Variants in SOX5 observed in about 807,000 individuals in gnomAD.
SOX5 encodes the protein transcription factor SOX-5.
SOX5 carries 9 observed loss-of-function variants against 92.0 expected under a neutral mutation model. The ratio of observed to expected loss-of-function variants is 0.10; its 90% CI spans 0.06 to 0.17. The LOEUF is 0.17. Ranked by LOEUF, SOX5 falls within the 10% of genes least tolerant of loss-of-function variation. The pLI is 1.00. For missense variants in SOX5, 642 were observed against 944.5 expected, an observed-to-expected ratio of 0.68 and a Z score of 4.20; for synonymous variants, 344 against 336.3, an observed-to-expected ratio of 1.02 and a Z score of -0.25.
chr12:24,393,827 C>T lies in SOX5; in HGVS notation c.-250-25188G>A, dbSNP rs1347372958. Among the ~76,000 whole-genome samples the T allele has an allele frequency of 1.3e-5, 2 of 152,166 alleles. No homozygotes were observed. ...TACATATTACATATGCAATACAACA[C>T]ATACCTCTTTCTTCAAAAGTTTAAA... On this transcript the variant is annotated intron_variant, in intron 1 of 4. Coordinates refer to the SOX5 transcript ENST00000446891. This position sits in a 1 kb window ranked among gnomAD's most constrained non-coding sequence, Gnocchi z 5.0.
chr12:24,348,842 C>T (rs1357162836), intron 2 of SOX5, among the ~76,000 whole-genome samples: 2 of 152,154 alleles, frequency 1.3e-5, no homozygotes, highest in Non-Finnish European at 2.9e-5. Flanking sequence ...TAGTAAGTCT[C>T]ATGAGATCTC....
chr12:23,655,600 C>A (rs570822064), intron 7 of SOX5, among the ~76,000 whole-genome samples: 2 of 152,252 alleles, frequency 1.3e-5, no homozygotes, highest in East Asian at 1.9e-4. Context: ...CCCTTTCTAG[C>A]CATTGCACCT....
At chr12:24,288,767 G>A (rs1052792408) in intron 2 of SOX5, among the ~76,000 whole-genome samples, 1 of 151,108 alleles carries the variant, frequency 6.6e-6, no homozygotes, top group Admixed American at 6.6e-5. Context: ...AAAAAAAAAC[G>A]TGGTGAGGAA....
intron 4 of SOX5, 118 bp from the exon 5 acceptor site, chr12:23,741,157 G>T: frequency 1.6e-6 from 1 of 614,314 alleles, no homozygotes. Context: ...AAACACAAAA[G>T]CATTACCTAC....
At chr12:24,348,345 G>A (rs1291616498) in intron 2 of SOX5, among the ~76,000 whole-genome samples, 2 of 141,088 alleles carry the variant, frequency 1.4e-5, no homozygotes, top group Non-Finnish European at 3.2e-5. Context: ...ATGCCTCTAT[G>A]TTGCAGCTCT....
intron 4 of SOX5, among the ~76,000 whole-genome samples, chr12:23,974,780 T>C (rs1948729919): frequency 6.6e-6 from 1 of 152,062 alleles, no homozygotes; most frequent in Admixed American, 6.6e-5. Flanking sequence ...AGTGATGATG[T>C]TTTGGTGATA....
intron 2 of SOX5, among the ~76,000 whole-genome samples, chr12:23,865,861 G>A (rs927635238): frequency 2.0e-5 from 3 of 152,138 alleles, no homozygotes; most frequent in African/African-American, 7.2e-5. Context: ...TTTGAAAGAA[G>A]TTGATTTCAA....
intron 3 of SOX5, among the ~76,000 whole-genome samples, chr12:23,798,948 A>G (rs1449582300): frequency 6.6e-6 from 1 of 152,076 alleles, no homozygotes; most frequent in African/African-American, 2.4e-5. Flanking sequence ...TAGCCAAAAT[A>G]GAAACATCAA....
At chr12:24,456,447 G>A (rs1410087193) in intron 1 of SOX5, among the ~76,000 whole-genome samples, 3 of 152,194 alleles carry the variant, frequency 2.0e-5, no homozygotes, top group Non-Finnish European at 4.4e-5. Context: ...TAAGGAAGAA[G>A]GGTCAGAATG....
chr12:24,156,359 TG>T (rs1279083065), intron 4 of SOX5, among the ~76,000 whole-genome samples: 2 of 152,152 alleles, frequency 1.3e-5, no homozygotes, highest in African/African-American at 4.8e-5. Context: ...TGGTTTCTCC[TG>T]GGAGCACTTC....
chr12:23,669,140 A>G (rs1426343215), intron 6 of SOX5, among the ~76,000 whole-genome samples: 1 of 152,138 alleles, frequency 6.6e-6, no homozygotes, highest in African/African-American at 2.4e-5. Context: ...GCTCTCTAGG[A>G]GCTCTGAATC....
intron 6 of SOX5, among the ~76,000 whole-genome samples, chr12:23,727,356 CAG>C: frequency 6.6e-6 from 1 of 152,132 alleles, no homozygotes; most frequent in East Asian, 1.9e-4. Context: ...TCATCCAAAA[CAG>C]AGGTCAGAGG....
intron 4 of SOX5, among the ~76,000 whole-genome samples, chr12:23,965,471 C>A (rs1947448391): frequency 6.6e-6 from 1 of 152,182 alleles, no homozygotes; most frequent in Admixed American, 6.5e-5. Context: ...TTCTCTAGCA[C>A]TGGACAACTT....
intron 4 of SOX5, among the ~76,000 whole-genome samples, chr12:24,026,663 A>T (rs1408174486): frequency 7.0e-6 from 1 of 142,380 alleles, no homozygotes; most frequent in Non-Finnish European, 1.5e-5. Flanking sequence ...CCTGTCTATT[A>T]GATAAAAAAA....
At chr12:24,126,790 G>A (rs1283389023) in intron 4 of SOX5, among the ~76,000 whole-genome samples, 1 of 151,958 alleles carries the variant, frequency 6.6e-6, no homozygotes, top group Admixed American at 6.6e-5. Context: ...TGCTGCCCTC[G>A]GGACTCTAGT....
At chr12:24,068,779 C>T (rs1941310853) in intron 4 of SOX5, among the ~76,000 whole-genome samples, 1 of 119,354 alleles carries the variant, frequency 8.4e-6, no homozygotes, top group Non-Finnish European at 1.7e-5. Flanking sequence ...TAGTTTATAT[C>T]CAAGATAAAT....
At chr12:24,272,682 G>A (rs532494719) in intron 3 of SOX5, among the ~76,000 whole-genome samples, 8 of 151,884 alleles carry the variant, frequency 5.3e-5, no homozygotes, top group East Asian at 1.9e-4. Flanking sequence ...ATCAAACCTC[G>A]TATTTCTGGA....
chr12:23,973,321 C>T lies in SOX5; in HGVS notation c.-1-77297G>A, dbSNP rs149716133. 1.8e-3 allele frequency among the ~76,000 whole-genome samples: 269 copies of T among 151,808 alleles called. 2 individuals are homozygous for T. The highest frequency in any genetic ancestry group is 3.2e-3 in the Non-Finnish European group (214 of 67,920). On this transcript the variant is annotated intron_variant, in intron 4 of 4. Transcript: ENST00000446891. Reference sequence around the variant, plus strand: ...GACTACAGGCACGCACCACCATGCCCGGCTAATTTTTTGTATTTTTATAAA... The same window carrying T: ...GACTACAGGCACGCACCACCATGCCTGGCTAATTTTTTGTATTTTTATAAA...
intron 1 of SOX5, among the ~76,000 whole-genome samples, chr12:23,927,333 T>A (rs1940238216): frequency 6.6e-6 from 1 of 152,076 alleles, no homozygotes; most frequent in Non-Finnish European, 1.5e-5. Flanking sequence ...CATACCATTT[T>A]ACTAAAGCCA....
Sources: allele counts gnomAD v4.1 joint callset (sites outside exome capture counted in the v4.1 genomes callset), GRCh38; gene constraint gnomAD v4.1.1; non-coding constraint Gnocchi (gnomAD v3.1); transcripts MANE v1.5; gene names NCBI Gene and HGNC (gene_info 2026-07-23, HGNC 2026-07-21).